The following DMTN variants were observed in gnomAD, a reference collection of about 807,000 sequenced individuals.
The protein encoded by DMTN is dematin actin binding protein.
A neutral mutation model predicts 59.4 loss-of-function variants in DMTN; 27 were observed. That is an observed-to-expected ratio of 0.45 (90% CI 0.33 to 0.63). DMTN has a LOEUF of 0.63. DMTN is among the 20% of genes least tolerant of loss of function. DMTN has a pLI of 0.02. For synonymous variants in DMTN, 221 were observed against 203.7 expected, an observed-to-expected ratio of 1.08 and a Z score of -0.72; for missense variants, 451 against 528.9, an observed-to-expected ratio of 0.85 and a Z score of 1.45.
upstream of DMTN, among the ~76,000 whole-genome samples, chr8:22,049,963 C>G (rs536320653): frequency 8.5e-5 from 13 of 152,294 alleles, no homozygotes; most frequent in South Asian, 8.3e-4. Context: ...AGCGCCGGCG[C>G]AGAGTCTGAC....
chr8:22,066,977 G>A (rs533683351), intron 2 of DMTN, 84 bp downstream of exon 2: 3 of 1,228,372 alleles, frequency 2.4e-6, no homozygotes, highest in African/African-American at 3.2e-5. Flanking sequence ...GTGGCCACCC[G>A]CCGCGCAGCG....
At chr8:22,076,694 T>C (rs1820104409) in intron 10 of DMTN, among the ~76,000 whole-genome samples, 2 of 152,160 alleles carry the variant, frequency 1.3e-5, no homozygotes, top group East Asian at 3.9e-4. Flanking sequence ...TAGTGACATA[T>C]ATATACACAC....
At chr8:22,065,859 G>A (rs774317671) in intron 1 of DMTN, among the ~76,000 whole-genome samples, 8 of 131,478 alleles carry the variant, frequency 6.1e-5, no homozygotes, top group Non-Finnish European at 1.2e-4. Flanking sequence ...TTTTTTTAAC[G>A]AGGCAGGGTC....
At chr8:22,079,262 AT>A (rs1357250411) in intron 10 of DMTN, among the ~76,000 whole-genome samples, 1 of 31,678 alleles carries the variant, frequency 3.2e-5, no homozygotes, top group African/African-American at 1.0e-4. Context: ...ATAAAAATAA[AT>A]AAATAAATAA....
upstream of DMTN, among the ~76,000 whole-genome samples, chr8:22,054,540 G>C (rs1046837531): frequency 1.3e-5 from 2 of 152,116 alleles, no homozygotes; most frequent in Non-Finnish European, 2.9e-5. Flanking sequence ...CACAAGGACT[G>C]TCCCTGCCTT....
chr8:22,062,638 C>T (rs1347027817), intron 1 of DMTN, among the ~76,000 whole-genome samples: 3 of 152,056 alleles, frequency 2.0e-5, no homozygotes, highest in Admixed American at 2.0e-4. Context: ...AAGGGCCATT[C>T]CCCCTGGCTG....
At chr8:22,065,444 G>T (rs1173536577) in intron 1 of DMTN, among the ~76,000 whole-genome samples, 1 of 152,210 alleles carries the variant, frequency 6.6e-6, no homozygotes, top group East Asian at 1.9e-4. Flanking sequence ...ATGAGGACTA[G>T]ACTAGTACAG....
intron 1 of DMTN, among the ~76,000 whole-genome samples, chr8:22,063,602 C>T (rs1265334452): frequency 1.3e-5 from 2 of 152,278 alleles, no homozygotes; most frequent in Non-Finnish European, 2.9e-5. Flanking sequence ...CCAATCCAGC[C>T]ATATTTGCTG....
upstream of DMTN, chr8:22,055,486 G>C (rs957784799): frequency 1.3e-5 from 2 of 152,718 alleles, no homozygotes; most frequent in Non-Finnish European, 2.9e-5. Flanking sequence ...GGCTGAGGCC[G>C]GGCTGGTTGT....
chr8:22,068,203 C>T (rs1057477067), intron 4 of DMTN, among the ~76,000 whole-genome samples: 3 of 152,184 alleles, frequency 2.0e-5, no homozygotes, highest in Non-Finnish European at 4.4e-5. Context: ...TGATAAACCC[C>T]GACCTCATCC....
Position 22,067,673 on chromosome 8 carries a change from C to G in DMTN, c.240C>G (p.Arg80=). 1 of 1,613,930 alleles carries G rather than the reference C, an allele frequency of 6.2e-7. No homozygotes were observed. The highest frequency in any genetic ancestry group is 8.5e-7 in the Non-Finnish European group (1 of 1,180,016). The stretch of plus-strand genomic sequence containing the variant: ...TCCTGGAACACGTGGAGCTGCCTCG[C>G]AGCCGCGAGGTGAGGGGGCTCCTCT... ...YSLLEHVELP[R]SRERSLSPKS... The change falls in exon 4 of 16, where the codon CGC becomes CGG. Residue 80 remains arginine (R), a synonymous_variant. Transcript: ENST00000358242.
In DMTN at chr8:22,067,581, G is replaced by A. The variant is rs760683083; in HGVS notation, c.148G>A (p.Asp50Asn). ...CAAGGACCTGGCTGCCATCCCCAAG[G>A]ACAAGGCCATCCTGGACATCGAGCG... Reference protein sequence around the residue: ...GYKDLAAIPKDKAILDIERPD... With the variant: ...GYKDLAAIPKNKAILDIERPD... The change falls in exon 4 of 16, where the codon GAC (aspartate) becomes AAC (asparagine). Residue 50 changes from aspartate to asparagine, a missense_variant. Coordinates refer to ENST00000358242, the MANE Select transcript of DMTN (RefSeq NM_001387751.1). The A allele has an allele frequency of 6.2e-7, 1 of 1,614,114 alleles. No homozygotes were observed. Among genetic ancestry groups the A allele is most frequent in the Admixed American group, 1.7e-5 (1 of 60,026 alleles).
intron 10 of DMTN, among the ~76,000 whole-genome samples, chr8:22,076,574 G>GTA (rs1005647088): frequency 1.3e-4 from 19 of 150,804 alleles, no homozygotes; most frequent in East Asian, 3.9e-4. Context: ...GTCTCTAATT[G>GTA]TATATATATA....
chr8:22,067,754 TCC>T, intron 4 of DMTN, 72 bp downstream of exon 4: 1 of 1,540,246 alleles, frequency 6.5e-7, no homozygotes, highest in East Asian at 2.3e-5. Context: ...GACCGATCCC[TCC>T]CGTGCTTCCT....
At chr8:22,077,063 A>C (rs749357859) in intron 10 of DMTN, among the ~76,000 whole-genome samples, 1 of 151,860 alleles carries the variant, frequency 6.6e-6, no homozygotes, top group Non-Finnish European at 1.5e-5. Context: ...TGGGGGCAGG[A>C]TGGGAGCTGT....
chr8:22,069,539 C>T (rs755990971), intron 6 of DMTN, 21 bp downstream of exon 6: 1 of 1,563,740 alleles, frequency 6.4e-7, no homozygotes, highest in Non-Finnish European at 8.7e-7. Context: ...TCGGCACGAC[C>T]TCATTGTTTC....
upstream of DMTN, among the ~76,000 whole-genome samples, chr8:22,053,154 A>G (rs934834324): frequency 6.6e-6 from 1 of 152,212 alleles, no homozygotes; most frequent in Non-Finnish European, 1.5e-5. Flanking sequence ...TAGTCCGTCT[A>G]CTTGGCTGGA....
At chr8:22,049,104 G>GGGCCCCGGGCCCCA (rs1356922405), upstream of DMTN, 2 of 148,586 alleles carry the variant, frequency 1.3e-5, no homozygotes, top group African/African-American at 4.9e-5. Context: ...GCATCCAGCC[G>GGGCCCCGGGCCCCA]GGCCCCGGGC....
Position 22,081,779 on chromosome 8 carries a change from T to G in DMTN, c.*316T>G. ...AGAGGGTGAGGAGGAATGAGGGGCA[T>G]TGGTGGTTAGGCCGGTTGGCTGTCT... is the stretch of plus-strand genomic sequence containing the variant. On this transcript the variant is annotated 3_prime_UTR_variant, in exon 16 of 16. Transcript: ENST00000358242. 1 of 518,470 alleles carries G rather than the reference T, an allele frequency of 1.9e-6. No individual in the cohort carries two copies. Among genetic ancestry groups the G allele is most frequent in the Non-Finnish European group, 3.7e-6 (1 of 269,560 alleles). 32.1% of individuals were successfully genotyped at this position (518,470 alleles called of 1,614,324 possible).
Sources: gnomAD v4.1 joint callset for allele counts (sites outside exome capture counted in the v4.1 genomes callset) on GRCh38, gnomAD v4.1.1 for gene constraint, MANE v1.5 for transcripts, NCBI Gene and HGNC (gene_info 2026-07-23, HGNC 2026-07-21) for gene names.